Variants in POLE observed in about 807,000 individuals in gnomAD.
POLE encodes the protein DNA polymerase epsilon, catalytic subunit.
In POLE, 188 loss-of-function variants were observed where a neutral mutation model predicts 279.2. The observed-to-expected ratio is 0.67, with a 90% CI of 0.60 to 0.76. The LOEUF (loss-of-function observed/expected upper bound fraction) is 0.76, where lower values mean the gene tolerates loss of function less well. POLE is among the 30% of genes least tolerant of loss of function. POLE has a pLI of 0.00. For missense variants in POLE, 2,703 were observed against 3,016.7 expected, an observed-to-expected ratio of 0.90 and a Z score of 2.44; for synonymous variants, 1,214 against 1,172.5, an observed-to-expected ratio of 1.04 and a Z score of -0.72.
rs894304370 is a variant in POLE, at chr12:132,668,302, A to G, written c.2173+54T>C. 5.3e-6 allele frequency: 8 copies of G among 1,505,340 alleles called. No homozygotes were observed. Among genetic ancestry groups the G allele is most frequent in the Admixed American group, 2.2e-5 (1 of 44,962 alleles). 93.2% of individuals were successfully genotyped at this position (1,505,340 alleles called of 1,614,324 possible). A position where few individuals can be genotyped will look rare whatever the true frequency, so the allele number is the denominator to read the frequency against. On this transcript the variant is annotated intron_variant, in intron 19 of 48. Coordinates refer to ENST00000320574, the MANE Select transcript of POLE (RefSeq NM_006231.4). This position sits in a 1 kb window ranked among gnomAD's most constrained non-coding sequence, Gnocchi z 4.0. ...GACCAACGCAGCCCAGTAAGAACAG[A>G]AAGTGGGAGCAGGAGCCACATCTTT...
At chr12:132,685,975 A>T (rs1457432204) in intron 1 of POLE, among the ~76,000 whole-genome samples, 1 of 151,894 alleles carries the variant, frequency 6.6e-6, no homozygotes, top group East Asian at 1.9e-4. Context: ...TGCCGCGTTC[A>T]AGTGATTCTC....
intron 29 of POLE, chr12:132,650,225 A>C: frequency 1.4e-5 from 4 of 279,440 alleles, no homozygotes; most frequent in African/African-American, 2.2e-5. Context: ...GCAAACAAAA[A>C]TCTCAGGATC....
intron 14 of POLE, 123 bp from the exon 15 acceptor site, chr12:132,672,962 G>T: frequency 1.1e-6 from 1 of 906,552 alleles, no homozygotes; most frequent in Non-Finnish European, 1.7e-6. Flanking sequence ...GTAAATGGCT[G>T]CAAATTCTGC....
At chr12:132,673,036 C>A in intron 14 of POLE, 128 bp downstream of exon 14, 2 of 777,016 alleles carry the variant, frequency 2.6e-6, no homozygotes, top group Non-Finnish European at 4.4e-6. Flanking sequence ...TGACGTCACA[C>A]ACCAGAATTC....
rs767640902 is a variant in POLE at position 132,648,950 on chromosome 12, C to T, written c.4128G>A (p.Glu1376=). The T allele has an allele frequency of 1.9e-6, 3 of 1,613,748 alleles. No individual in the cohort carries two copies. Among genetic ancestry groups the T allele is most frequent in the East Asian group, 4.5e-5 (2 of 44,882 alleles). ...CTACCTTGCGATACGAAGCACCCTC[C>T]TCCGCTTTAGCGACTCGCTGGTTCA... The part of the protein sequence containing the change: ...FYVNQRVAKA[E]EGASYRKVNR... Residue 1376 remains glutamate, a synonymous_variant, in exon 32 of 49, where the codon GAG becomes GAA. Coordinates refer to ENST00000320574, the MANE Select transcript of POLE (RefSeq NM_006231.4).
intron 40 of POLE, chr12:132,638,798 A>C (rs1366404060): frequency 3.4e-6 from 1 of 292,332 alleles, no homozygotes; most frequent in Non-Finnish European, 6.5e-6. Context: ...ATGTTCTTTC[A>C]TATGGCATGT....
rs762002242 is a variant in POLE, at chr12:132,649,016, G to A, written c.4062C>T (p.Asp1354=). Residue 1354 remains aspartate (D), a synonymous_variant, in exon 32 of 49, where the codon GAC becomes GAT. Coordinates refer to ENST00000320574, the MANE Select transcript of POLE (RefSeq NM_006231.4). ...LFRLWALVGS[D]LHCIRLSIPR... ...GGATGCTCAGCCTGATGCAGTGCAA[G>A]TCACTGCCAACGAGCGCCCACAGCC... is the stretch of plus-strand genomic sequence containing the variant. The A allele has an allele frequency of 1.9e-6, 3 of 1,613,906 alleles. No homozygotes were observed. Among genetic ancestry groups the A allele is most frequent in the Admixed American group, 1.7e-5 (1 of 60,028 alleles).
rs892049656 is a variant in POLE at position 132,657,472 on chromosome 12, C to T, written c.3379-43G>A. On this transcript the variant is annotated intron_variant, in intron 27 of 48. Coordinates refer to ENST00000320574, the MANE Select transcript of POLE (RefSeq NM_006231.4). ...GGGCACAGAGAACAGCAGGTGGCAG[C>T]AGCCAAGAGTGGGGCTCACTTCATG... 11 of 1,551,580 alleles carry T rather than the reference C, an allele frequency of 7.1e-6. No homozygotes were observed. The Admixed American group carries it at 1.2e-4, about 17-fold the overall frequency.
At chr12:132,659,580 T>C in intron 25 of POLE, 71 bp from the exon 26 acceptor site, 1 of 1,318,064 alleles carries the variant, frequency 7.6e-7, no homozygotes, top group Non-Finnish European at 1.1e-6. Flanking sequence ...TGGACTGTGC[T>C]CCTCTAGGCC....
intron 47 of POLE, 102 bp from the exon 48 acceptor site, chr12:132,625,096 T>A: frequency 1.2e-6 from 1 of 839,936 alleles, no homozygotes; most frequent in Non-Finnish European, 2.0e-6. Context: ...GGCCCATCAG[T>A]AAGCCTCGAG....
intron 45 of POLE, 112 bp from the exon 46 acceptor site, chr12:132,626,429 C>A: frequency 1.0e-6 from 1 of 990,410 alleles, no homozygotes; most frequent in Non-Finnish European, 1.5e-6. Flanking sequence ...TCCTTTCCTC[C>A]CTTCCTTAGT....
At chr12:132,674,534 C>T (rs1425877530) in intron 12 of POLE, among the ~76,000 whole-genome samples, 4 of 152,178 alleles carry the variant, frequency 2.6e-5, no homozygotes, top group Non-Finnish European at 5.9e-5. Flanking sequence ...CATTCCCTGT[C>T]TCCACGGATG....
intron 6 of POLE, 33 bp from the exon 7 acceptor site, chr12:132,677,752 T>C (rs2136021939): frequency 1.2e-6 from 2 of 1,608,212 alleles, no homozygotes; most frequent in Non-Finnish European, 1.7e-6. Context: ...CTAACTCAGC[T>C]GCCAGGGTCT....
Position 132,643,334 on chromosome 12 carries a change from G to A in POLE, c.4445-4C>T, listed in dbSNP as rs2138548042. On this transcript the variant is annotated splice_polypyrimidine_tract_variant and splice_region_variant and intron_variant, in intron 34 of 48. Coordinates refer to ENST00000320574, the MANE Select transcript of POLE (RefSeq NM_006231.4). Reference sequence around the variant, plus strand: ...AGGTAGATATGGCGGATACTCCCTGGAGAAGGAAACAAGACCGTCACCCCA... The same window carrying A: ...AGGTAGATATGGCGGATACTCCCTGAAGAAGGAAACAAGACCGTCACCCCA... 6.2e-7 allele frequency: 1 copy of A among 1,614,102 alleles called. No individual in the cohort carries two copies. The highest frequency in any genetic ancestry group is 8.5e-7 in the Non-Finnish European group (1 of 1,180,012).
intron 25 of POLE, chr12:132,659,765 T>A: frequency 2.3e-6 from 1 of 439,170 alleles, no homozygotes; most frequent in Non-Finnish European, 4.1e-6. Context: ...CAATCTCAAC[T>A]CACTAAAACC....
rs368185422 is a variant in POLE, at chr12:132,659,281, G to A, written c.3275+14C>T. ...GAGGAGCCCTCACCTCTCCGTGATG[G>A]GGGGAGCCCTCACCTCTCCGTGACA... On this transcript the variant is annotated intron_variant, in intron 26 of 48. Coordinates refer to ENST00000320574, the MANE Select transcript of POLE (RefSeq NM_006231.4). The A allele has an allele frequency of 6.2e-6, 10 of 1,610,294 alleles. 1 individual carries two copies. Among genetic ancestry groups the A allele is most frequent in the South Asian group, 2.2e-5 (2 of 90,890 alleles).
At chr12:132,626,399 T>G in intron 45 of POLE, 82 bp from the exon 46 acceptor site, 1 of 1,324,124 alleles carries the variant, frequency 7.6e-7, no homozygotes, top group Non-Finnish European at 1.1e-6. Flanking sequence ...CTCTGGACCT[T>G]AGGCTACAGT....
intron 38 of POLE, 104 bp downstream of exon 38, chr12:132,642,073 G>T (rs920465368): frequency 2.6e-6 from 3 of 1,136,440 alleles, no homozygotes; most frequent in Non-Finnish European, 3.8e-6. Flanking sequence ...GACCTGCGCG[G>T]TCGAACTCTG....
intron 47 of POLE, 38 bp from the exon 48 acceptor site, chr12:132,625,032 G>T (rs144237037): frequency 7.3e-6 from 11 of 1,516,006 alleles, no homozygotes; most frequent in Non-Finnish European, 9.1e-6. Flanking sequence ...CAGCCCTCCC[G>T]CGCTGGCCAG....
Sources: gnomAD v4.1 joint callset for allele counts (sites outside exome capture counted in the v4.1 genomes callset) on GRCh38, gnomAD v4.1.1 for gene constraint, Gnocchi (gnomAD v3.1) non-coding constraint, MANE v1.5 for transcripts, NCBI Gene and HGNC (gene_info 2026-07-23, HGNC 2026-07-21) for gene names.